MEIS1: variants seen among roughly 807,000 people sequenced by gnomAD.
MEIS1 encodes the protein homeobox protein Meis1.
In MEIS1, 5 loss-of-function variants were observed where a neutral mutation model predicts 50.8. The ratio of observed to expected loss-of-function variants is 0.10; its 90% CI spans 0.05 to 0.21. The LOEUF (loss-of-function observed/expected upper bound fraction) is 0.21, where lower values mean the gene tolerates loss of function less well. Ranked by LOEUF, MEIS1 falls within the 10% of genes least tolerant of loss-of-function variation. The pLI, the probability that MEIS1 is intolerant of heterozygous loss-of-function variation, is 1.00. For missense variants in MEIS1, 318 were observed against 517.3 expected (o/e 0.61, Z 3.74); for synonymous variants, 176 against 179.3 (o/e 0.98, Z 0.15).
intron 6 of MEIS1, among the ~76,000 whole-genome samples, chr2:66,446,213 C>T (rs2103699725): frequency 6.6e-6 from 1 of 152,296 alleles, no homozygotes; most frequent in East Asian, 1.9e-4. Flanking sequence ...GGCGCGTGTT[C>T]TAGGGGCCCT....
chr2:66,463,819 G>A (rs1226346074), intron 6 of MEIS1, among the ~76,000 whole-genome samples: 1 of 152,158 alleles, frequency 6.6e-6, no homozygotes. Context: ...ATCAGTGGCG[G>A]CATTTTGTTT....
At chr2:66,488,644 C>G (rs893322445) in intron 7 of MEIS1, among the ~76,000 whole-genome samples, 1 of 152,160 alleles carries the variant, frequency 6.6e-6, no homozygotes, top group African/African-American at 2.4e-5. Flanking sequence ...CGCCACTGCA[C>G]TCCAGCCTAG....
intron 12 of MEIS1, chr2:66,569,699 G>A (rs1675436818): frequency 6.5e-6 from 1 of 152,762 alleles, no homozygotes; most frequent in Non-Finnish European, 1.5e-5. Context: ...CATCATAATG[G>A]GATTACGTGT....
chr2:66,467,627 G>T (rs1327248490), intron 7 of MEIS1, among the ~76,000 whole-genome samples: 3 of 151,918 alleles, frequency 2.0e-5, no homozygotes, highest in African/African-American at 7.3e-5. Context: ...CCAATCGTGG[G>T]CATTCTAAAG....
At chr2:66,460,903 C>T (rs954109424) in intron 6 of MEIS1, among the ~76,000 whole-genome samples, 60 of 152,260 alleles carry the variant, frequency 3.9e-4, no homozygotes, top group African/African-American at 1.3e-3. Context: ...CAAGTATCCA[C>T]ATAAACCCAA....
intron 7 of MEIS1, 137 bp downstream of exon 7, chr2:66,464,357 A>C: frequency 1.4e-6 from 1 of 720,244 alleles, no homozygotes; most frequent in Non-Finnish European, 2.4e-6. Context: ...AGCTCATCTT[A>C]TTTTATTCTC....
At chr2:66,496,760 T>C (rs547353352) in intron 7 of MEIS1, among the ~76,000 whole-genome samples, 1 of 152,226 alleles carries the variant, frequency 6.6e-6, no homozygotes, top group South Asian at 2.1e-4. Flanking sequence ...CATGAGGTTT[T>C]TCTGTATGAT....
intron 9 of MEIS1, among the ~76,000 whole-genome samples, chr2:66,565,931 TG>T (rs1258716881): frequency 6.6e-6 from 1 of 152,206 alleles, no homozygotes; most frequent in African/African-American, 2.4e-5. Context: ...TCATTTTAAT[TG>T]GTTATTTCAC....
At chr2:66,490,418 G>A (rs1390332800) in intron 7 of MEIS1, among the ~76,000 whole-genome samples, 1 of 152,114 alleles carries the variant, frequency 6.6e-6, no homozygotes, top group African/African-American at 2.4e-5. Context: ...ACCTGTTTGG[G>A]GAAGGGGCCA....
At chr2:66,494,362 C>T (rs751856406) in intron 7 of MEIS1, among the ~76,000 whole-genome samples, 2 of 152,090 alleles carry the variant, frequency 1.3e-5, no homozygotes, top group Non-Finnish European at 2.9e-5. Flanking sequence ...TGTAGAGAAA[C>T]GAAAGCTGTA....
At chr2:66,441,530 C>A in intron 5 of MEIS1, 66 bp downstream of exon 5, 1 of 1,318,804 alleles carries the variant, frequency 7.6e-7, no homozygotes, top group Non-Finnish European at 1.0e-6. Context: ...GGGGAGGGTT[C>A]CGAATGGCTG....
At chr2:66,497,539 A>T (rs1673436297) in intron 7 of MEIS1, among the ~76,000 whole-genome samples, 1 of 152,170 alleles carries the variant, frequency 6.6e-6, no homozygotes, top group Non-Finnish European at 1.5e-5. Context: ...GATCTGAAAG[A>T]TACTTTCTTA....
chr2:66,440,068 AACAC>A (rs9309387), intron 3 of MEIS1, 84 bp downstream of exon 3: 171 of 777,766 alleles, frequency 2.2e-4, no homozygotes, highest in Middle Eastern at 3.8e-4. Context: ...CGCGCGCGCG[AACAC>A]ACACACACAC....
chr2:66,519,065 G>A (rs1349928826), intron 8 of MEIS1, among the ~76,000 whole-genome samples: 4 of 152,130 alleles, frequency 2.6e-5, no homozygotes, highest in Middle Eastern at 3.2e-3. Context: ...AATTTTAGTA[G>A]GGAAAACTGA....
At chr2:66,456,410 C>T (rs988760381) in intron 6 of MEIS1, among the ~76,000 whole-genome samples, 3 of 152,060 alleles carry the variant, frequency 2.0e-5, no homozygotes, top group Non-Finnish European at 2.9e-5. Context: ...GAGATGATTA[C>T]ATAACCAAGA....
At chr2:66,441,059 CA>C in intron 4 of MEIS1, 1 of 335,648 alleles carries the variant, frequency 3.0e-6, no homozygotes, top group Non-Finnish European at 5.3e-6. Flanking sequence ...GTTTGAGGGC[CA>C]TTTGGAATAT....
intron 7 of MEIS1, among the ~76,000 whole-genome samples, chr2:66,494,928 G>A (rs891120985): frequency 6.6e-6 from 1 of 152,044 alleles, no homozygotes; most frequent in Non-Finnish European, 1.5e-5. Context: ...TTGGAAAGAC[G>A]AGAAATAGTG....
At chr2:66,552,297 T>C in intron 9 of MEIS1, among the ~76,000 whole-genome samples, 1 of 152,152 alleles carries the variant, frequency 6.6e-6, no homozygotes, top group East Asian at 1.9e-4. Flanking sequence ...CATTTTACAG[T>C]TTCTTTGTTT....
intron 8 of MEIS1, among the ~76,000 whole-genome samples, chr2:66,546,993 A>G (rs1674808170): frequency 6.6e-6 from 1 of 152,166 alleles, no homozygotes; most frequent in Non-Finnish European, 1.5e-5. Flanking sequence ...TCCATTCATA[A>G]TAGAATAGAG....
Sources: gnomAD v4.1 joint callset for allele counts (sites outside exome capture counted in the v4.1 genomes callset) on GRCh38, gnomAD v4.1.1 for gene constraint, MANE v1.5 for transcripts, NCBI Gene and HGNC (gene_info 2026-07-23, HGNC 2026-07-21) for gene names.